PLCB1: variants seen among roughly 807,000 people sequenced by gnomAD.
PLCB1 encodes phospholipase C beta 1, also known as 1-phosphatidylinositol 4,5-bisphosphate phosphodiesterase beta-1.
Under a neutral mutation model 161.8 loss-of-function variants are expected in PLCB1, and 46 were observed. The ratio of observed to expected loss-of-function variants is 0.28; its 90% CI spans 0.22 to 0.36. PLCB1 has a LOEUF of 0.36. Ranked by LOEUF, PLCB1 falls within the 10% of genes least tolerant of loss-of-function variation. The probability of loss-of-function intolerance (pLI) is 1.00; values close to 1 mark genes in which losing one functional copy is unlikely to be tolerated. For synonymous variants in PLCB1, 517 were observed against 503.7 expected, an observed-to-expected ratio of 1.03 and a Z score of -0.35; for missense variants, 1,016 against 1,472.5, an observed-to-expected ratio of 0.69 and a Z score of 5.07.
At chr20:8,523,496 C>CTCTCTCTCTCTCTCTCTCTCTCTCTA in intron 3 of PLCB1, among the ~76,000 whole-genome samples, 6 of 51,654 alleles carry the variant, frequency 1.2e-4, no homozygotes, top group Admixed American at 2.4e-4. Context: ...CTCTCTCTCT[C>CTCTCTCTCTCTCTCTCTCTCTCTCTA]TATATATATA....
At chr20:8,750,146 C>T (rs1439446390) in intron 23 of PLCB1, among the ~76,000 whole-genome samples, 1 of 152,164 alleles carries the variant, frequency 6.6e-6, no homozygotes, top group Non-Finnish European at 1.5e-5. Context: ...CATGTGAATG[C>T]TGTTGACTCA....
chr20:8,645,186 C>T (rs1212350025), intron 4 of PLCB1, among the ~76,000 whole-genome samples: 1 of 137,978 alleles, frequency 7.2e-6, no homozygotes, highest in Non-Finnish European at 1.7e-5. Context: ...ACTGCAGGGT[C>T]CTCTGCCTAG....
At chr20:8,854,888 G>A (rs1032841374) in intron 31 of PLCB1, among the ~76,000 whole-genome samples, 4 of 152,126 alleles carry the variant, frequency 2.6e-5, no homozygotes, top group Admixed American at 6.5e-5. Context: ...AATTTTCCTT[G>A]CATAATTTTA....
chr20:8,766,104 A>T (rs576018944), intron 26 of PLCB1, among the ~76,000 whole-genome samples: 5 of 152,316 alleles, frequency 3.3e-5, no homozygotes, highest in Admixed American at 2.0e-4. Flanking sequence ...CCAAACCTTG[A>T]TGATGAGAAG....
chr20:8,399,835 C>T (rs1978469618), intron 3 of PLCB1, among the ~76,000 whole-genome samples: 1 of 151,942 alleles, frequency 6.6e-6, no homozygotes, highest in African/African-American at 2.4e-5. Flanking sequence ...CCCACAAAGT[C>T]CCGAAAATAA....
chr20:8,668,067 T>A (rs904399784), intron 9 of PLCB1, among the ~76,000 whole-genome samples: 10 of 152,134 alleles, frequency 6.6e-5, no homozygotes, highest in African/African-American at 2.4e-4. Flanking sequence ...GGCTCCTAAC[T>A]TCGGCATTAT....
chr20:8,253,110 C>A (rs114252702), intron 2 of PLCB1, among the ~76,000 whole-genome samples: 1,844 of 152,042 alleles, frequency 0.012, 46 homozygotes, highest in African/African-American at 0.04. Context: ...TTACTGGCAT[C>A]AGCCTGTTGA....
intron 1 of PLCB1, among the ~76,000 whole-genome samples, chr20:8,147,316 A>G (rs2051463216): frequency 6.6e-6 from 1 of 152,158 alleles, no homozygotes; most frequent in Non-Finnish European, 1.5e-5. Context: ...AAATACACAC[A>G]TGTTATAGAT....
At chr20:8,380,995 G>A (rs1333084165) in intron 3 of PLCB1, among the ~76,000 whole-genome samples, 1 of 152,158 alleles carries the variant, frequency 6.6e-6, no homozygotes, top group Admixed American at 6.5e-5. Flanking sequence ...TAGGAGTGGT[G>A]AGAGAGGCCA....
chr20:8,248,172 G>T (rs886770500), intron 2 of PLCB1, among the ~76,000 whole-genome samples: 12 of 151,868 alleles, frequency 7.9e-5, no homozygotes. Context: ...GCCTCTTCAT[G>T]ACCTCATAGA....
chr20:8,529,875 A>G lies in PLCB1; in HGVS notation c.247-98419A>G, dbSNP rs78309041. Among the ~76,000 whole-genome samples, 840 of 152,230 alleles carry G rather than the reference A, an allele frequency of 5.5e-3. 7 individuals are homozygous for G. Among genetic ancestry groups the G allele is most frequent in the African/African-American group, 0.018 (740 of 41,572 alleles). Reference sequence around the variant, plus strand: ...TCAAGAGTTCTGTAACTCTTGGAGTATAACAAGGACTAGAATTTTTGCATT... The same window carrying G: ...TCAAGAGTTCTGTAACTCTTGGAGTGTAACAAGGACTAGAATTTTTGCATT... On this transcript the variant is annotated intron_variant, in intron 3 of 31. Coordinates refer to ENST00000338037, the MANE Select transcript of PLCB1 (RefSeq NM_015192.4).
chr20:8,261,524 A>G (rs1482917506), intron 2 of PLCB1, among the ~76,000 whole-genome samples: 3 of 152,144 alleles, frequency 2.0e-5, no homozygotes, highest in African/African-American at 7.2e-5. Context: ...AGCCTTATGA[A>G]GAGAAGCTTT....
At chr20:8,617,060 G>T (rs566723848) in intron 3 of PLCB1, among the ~76,000 whole-genome samples, 1 of 152,228 alleles carries the variant, frequency 6.6e-6, no homozygotes, top group Admixed American at 6.5e-5. Flanking sequence ...GCTAAAAATT[G>T]ATGCCAATAA....
At chr20:8,524,717 T>C (rs778778806) in intron 3 of PLCB1, among the ~76,000 whole-genome samples, 29 of 152,220 alleles carry the variant, frequency 1.9e-4, no homozygotes, top group Non-Finnish European at 3.8e-4. Context: ...ACACTTTTCA[T>C]TGACACTCTT....
chr20:8,815,347 C>A (rs571813650), intron 31 of PLCB1, among the ~76,000 whole-genome samples: 2 of 152,324 alleles, frequency 1.3e-5, no homozygotes, highest in South Asian at 4.1e-4. Context: ...AGACTTCTGG[C>A]AATATCTGGT....
Position 8,541,787 on chromosome 20 carries a change from T to G in PLCB1, c.247-86507T>G, listed in dbSNP as rs114936206. ...TAATTATCAAGAAGTTTTGAATCAA[T>G]ACTGACCTGCAAGCAATGTCTCAAA... On this transcript the variant is annotated intron_variant, in intron 3 of 31. Transcript: ENST00000338037. Among the ~76,000 whole-genome samples the G allele has an allele frequency of 6.3e-3, 963 of 152,338 alleles. 13 individuals are homozygous for G. Among genetic ancestry groups the G allele is most frequent in the African/African-American group, 0.022 (934 of 41,586 alleles).
At chr20:8,843,247 A>C (rs962987969) in intron 31 of PLCB1, among the ~76,000 whole-genome samples, 1 of 152,192 alleles carries the variant, frequency 6.6e-6, no homozygotes, top group African/African-American at 2.4e-5. Flanking sequence ...TGTTTTACCA[A>C]ATTGTAAATA....
intron 2 of PLCB1, among the ~76,000 whole-genome samples, chr20:8,354,635 A>G (rs777182919): frequency 6.6e-6 from 1 of 152,194 alleles, no homozygotes; most frequent in Non-Finnish European, 1.5e-5. Context: ...GCTCTGATAC[A>G]CTTTGGCCCC....
chr20:8,244,514 T>C (rs1980777907), intron 2 of PLCB1, among the ~76,000 whole-genome samples: 1 of 151,828 alleles, frequency 6.6e-6, no homozygotes, highest in Non-Finnish European at 1.5e-5. Context: ...GTATATGAAA[T>C]TCAAGAAAGG....
Sources: allele counts gnomAD v4.1 joint callset (sites outside exome capture counted in the v4.1 genomes callset), GRCh38; gene constraint gnomAD v4.1.1; transcripts MANE v1.5; gene names NCBI Gene and HGNC (gene_info 2026-07-23, HGNC 2026-07-21).